HS2ST1: variants seen among roughly 807,000 people sequenced by gnomAD.
HS2ST1 encodes 2-O-sulfotransferase.
HS2ST1 carries 18 observed loss-of-function variants against 42.9 expected under a neutral mutation model. The observed-to-expected ratio is 0.42, with a 90% CI of 0.29 to 0.62. HS2ST1 has a LOEUF of 0.62. HS2ST1 is among the 20% of genes least tolerant of loss of function. HS2ST1 has a pLI of 0.21. For missense variants in HS2ST1, 334 were observed against 433.8 expected, an observed-to-expected ratio of 0.77 and a Z score of 2.04; for synonymous variants, 146 against 152.9, an observed-to-expected ratio of 0.95 and a Z score of 0.33.
chr1:86,984,073 A>G (rs7513224), intron 1 of HS2ST1, among the ~76,000 whole-genome samples: 137,462 of 151,930 alleles, frequency 0.9, 62,451 homozygotes, highest in East Asian at 0.99. Context: ...AGTAATAACC[A>G]TTTATTAGAT....
At chr1:86,992,433 C>G (rs1012754246) in intron 1 of HS2ST1, among the ~76,000 whole-genome samples, 1 of 151,474 alleles carries the variant, frequency 6.6e-6, no homozygotes, top group Admixed American at 6.6e-5. Flanking sequence ...ATGGCATGAT[C>G]TCGGCTCACC....
At chr1:87,050,754 G>A (rs575659208) in intron 1 of HS2ST1, among the ~76,000 whole-genome samples, 1 of 151,946 alleles carries the variant, frequency 6.6e-6, no homozygotes, top group Non-Finnish European at 1.5e-5. Flanking sequence ...GATTACTCTA[G>A]GGTCAGAAAT....
intron 1 of HS2ST1, among the ~76,000 whole-genome samples, chr1:87,029,716 G>C (rs946862296): frequency 6.6e-6 from 1 of 152,032 alleles, no homozygotes; most frequent in African/African-American, 2.4e-5. Context: ...TTTCATACAA[G>C]AACAAAAAGA....
At chr1:86,980,139 C>T (rs916287360) in intron 1 of HS2ST1, among the ~76,000 whole-genome samples, 1 of 152,186 alleles carries the variant, frequency 6.6e-6, no homozygotes, top group African/African-American at 2.4e-5. Flanking sequence ...AATGCCTGCT[C>T]ACTCTATGTT....
intron 1 of HS2ST1, among the ~76,000 whole-genome samples, chr1:87,072,305 T>C (rs1651431837): frequency 1.3e-5 from 2 of 152,192 alleles, no homozygotes; most frequent in Admixed American, 6.5e-5. Flanking sequence ...TTATAATCAC[T>C]TTATAATCAC....
intron 1 of HS2ST1, among the ~76,000 whole-genome samples, chr1:86,995,399 A>G (rs555404778): frequency 3.3e-5 from 5 of 152,314 alleles, no homozygotes; most frequent in African/African-American, 1.2e-4. Flanking sequence ...ACTCTGTGAT[A>G]TTAGAAAACT....
chr1:87,055,772 A>G (rs959734272), intron 1 of HS2ST1, among the ~76,000 whole-genome samples: 18 of 152,316 alleles, frequency 1.2e-4, no homozygotes, highest in African/African-American at 4.3e-4. Flanking sequence ...GGTGGTACCA[A>G]ACTGTACTAG....
At chr1:86,939,456 A>C (rs1338642373) in intron 1 of HS2ST1, among the ~76,000 whole-genome samples, 2 of 152,232 alleles carry the variant, frequency 1.3e-5, no homozygotes. Context: ...GATACTACTT[A>C]ACCTTTTTTA....
At chr1:87,014,228 A>G (rs896886893) in intron 1 of HS2ST1, among the ~76,000 whole-genome samples, 4 of 152,198 alleles carry the variant, frequency 2.6e-5, no homozygotes, top group Non-Finnish European at 4.4e-5. Flanking sequence ...GGTTTAATGG[A>G]CCCACAGTTC....
At chr1:87,017,479 G>A (rs1557517003) in intron 1 of HS2ST1, among the ~76,000 whole-genome samples, 1 of 152,078 alleles carries the variant, frequency 6.6e-6, no homozygotes, top group Non-Finnish European at 1.5e-5. Flanking sequence ...TTTATCATAT[G>A]CCATAGTCTA....
chr1:87,024,125 G>T (rs915859535), intron 1 of HS2ST1, among the ~76,000 whole-genome samples: 1 of 152,162 alleles, frequency 6.6e-6, no homozygotes, highest in African/African-American at 2.4e-5. Flanking sequence ...GACTTTTGGT[G>T]GTGGTTATGC....
intron 1 of HS2ST1, among the ~76,000 whole-genome samples, chr1:86,928,904 T>C (rs1207100909): frequency 2.0e-5 from 3 of 151,900 alleles, no homozygotes; most frequent in African/African-American, 7.2e-5. Flanking sequence ...TGACTTGATA[T>C]GTACCTTTTC....
intron 1 of HS2ST1, among the ~76,000 whole-genome samples, chr1:86,936,912 A>G (rs550750508): frequency 4.9e-4 from 73 of 147,844 alleles, no homozygotes; most frequent in African/African-American, 1.7e-3. Flanking sequence ...CCTGGCCAAC[A>G]TGGTGAAACC....
At chr1:87,021,038 C>G (rs982676045) in intron 1 of HS2ST1, among the ~76,000 whole-genome samples, 22 of 152,170 alleles carry the variant, frequency 1.4e-4, no homozygotes, top group African/African-American at 5.3e-4. Flanking sequence ...GACCTTTCTC[C>G]TATTCCAGAC....
chr1:86,956,080 G>GTA (rs1183000374), intron 1 of HS2ST1, among the ~76,000 whole-genome samples: 6 of 152,166 alleles, frequency 3.9e-5, no homozygotes, highest in Admixed American at 3.9e-4. Context: ...ATATATGTGT[G>GTA]TATATATACA....
chr1:87,024,525 A>G (rs1036781063), intron 1 of HS2ST1, among the ~76,000 whole-genome samples: 6 of 150,810 alleles, frequency 4.0e-5, no homozygotes, highest in Admixed American at 3.3e-4. Context: ...AAAAAACAGG[A>G]AAAGAAAGAA....
chr1:86,992,262 T>C (rs1648974575), intron 1 of HS2ST1, among the ~76,000 whole-genome samples: 2 of 152,042 alleles, frequency 1.3e-5, no homozygotes, highest in Non-Finnish European at 2.9e-5. Flanking sequence ...CCTGCTGATT[T>C]AAGCCTTAAA....
rs377492494 is a variant in HS2ST1 at position 86,918,990 on chromosome 1, A to T, written c.124+3830A>T. Among the ~76,000 whole-genome samples the T allele has an allele frequency of 3.8e-3, 550 of 143,910 alleles. 4 individuals carry two copies. The highest frequency in any genetic ancestry group is 0.028 in the South Asian group (130 of 4,612). 94.4% of individuals were successfully genotyped at this position (143,910 alleles called of 152,430 possible). A position where few individuals can be genotyped will look rare whatever the true frequency, so the allele number is the denominator to read the frequency against. On this transcript the variant is annotated intron_variant, in intron 1 of 6. Transcript: ENST00000370550. ...TTTTTATTTATTTATTTATTTATTTATTTTTTTGAGATGAGCCTTGCTGTC... is the reference window on the plus strand; with the variant it reads ...TTTTTATTTATTTATTTATTTATTTTTTTTTTTGAGATGAGCCTTGCTGTC...
At chr1:86,997,374 C>A (rs917303469) in intron 1 of HS2ST1, among the ~76,000 whole-genome samples, 7 of 152,114 alleles carry the variant, frequency 4.6e-5, no homozygotes, top group Non-Finnish European at 1.0e-4. Context: ...GAAATTTCAG[C>A]AACTTTGAAA....
Sources: gnomAD v4.1 joint callset for allele counts (sites outside exome capture counted in the v4.1 genomes callset) on GRCh38, gnomAD v4.1.1 for gene constraint, MANE v1.5 for transcripts, NCBI Gene and HGNC (gene_info 2026-07-23, HGNC 2026-07-21) for gene names.